Variants in SCD5 observed in about 807,000 individuals in gnomAD.
The protein encoded by SCD5 is stearoyl-CoA desaturase 5, also known as acyl-CoA-desaturase 4.
A neutral mutation model predicts 30.4 loss-of-function variants in SCD5; 20 were observed. That is an observed-to-expected ratio of 0.66 (90% CI 0.46 to 0.96). The LOEUF is 0.96. SCD5 is among the 40% of genes least tolerant of loss of function. SCD5 has a pLI of 0.00. For synonymous variants in SCD5, 173 were observed against 176.4 expected (o/e 0.98, Z 0.16); for missense variants, 381 against 443.3 (o/e 0.86, Z 1.26).
chr4:82,752,613 C>G (rs1256307902), intron 1 of SCD5, among the ~76,000 whole-genome samples: 2 of 152,110 alleles, frequency 1.3e-5, no homozygotes, highest in African/African-American at 2.4e-5. Flanking sequence ...CACCTTAAAT[C>G]CCAGCTGAAC....
chr4:82,674,724 C>A (rs1451363562), intron 3 of SCD5, among the ~76,000 whole-genome samples: 1 of 152,188 alleles, frequency 6.6e-6, no homozygotes, highest in East Asian at 1.9e-4. Context: ...ACCAAGATGT[C>A]CTCCACTGGG....
At chr4:82,747,453 T>C (rs991579624) in intron 1 of SCD5, among the ~76,000 whole-genome samples, 1 of 152,196 alleles carries the variant, frequency 6.6e-6, no homozygotes, top group Non-Finnish European at 1.5e-5. Flanking sequence ...ACAAGACCCA[T>C]TGGGTCTAAA....
At position 82,630,877 on chromosome 4, in the gene SCD5, G is replaced by A. The variant is rs1388077448; in HGVS notation, c.*450C>T. 1.3e-5 allele frequency: 2 copies of A among 152,762 alleles called. No individual in the cohort carries two copies. Among genetic ancestry groups the A allele is most frequent in the East Asian group, 3.9e-4 (2 of 5,160 alleles). 9.5% of individuals were successfully genotyped at this position (152,762 alleles called of 1,614,324 possible). On this transcript the variant is annotated 3_prime_UTR_variant, in exon 5 of 5. Coordinates refer to ENST00000319540, the MANE Select transcript of SCD5 (RefSeq NM_001037582.3). Reference sequence around the variant, plus strand: ...TAATCCCAGCTCTTTGGGAGGCCGAGGCGGGTGGATTGCCTGAGGTCAGGA... The same window carrying A: ...TAATCCCAGCTCTTTGGGAGGCCGAAGCGGGTGGATTGCCTGAGGTCAGGA...
intron 1 of SCD5, among the ~76,000 whole-genome samples, chr4:82,747,105 T>C (rs573847870): frequency 1.4e-3 from 192 of 140,234 alleles, no homozygotes; most frequent in African/African-American, 4.4e-3. Context: ...CTCCATCCCC[T>C]GCTTCTGGCT....
Position 82,679,234 on chromosome 4 carries a change from A to AAGAAAGAGAGAG in SCD5, c.569+1472_569+1473insCTCTCTCTTTCT, listed in dbSNP as rs1335159755. 4.6e-3 allele frequency among the ~76,000 whole-genome samples: 444 copies of AAGAAAGAGAGAG among 96,352 alleles called. 14 individuals are homozygous for AAGAAAGAGAGAG. The highest frequency in any genetic ancestry group is 9.8e-3 in the Middle Eastern group (2 of 204). The allele number at this position is 96,352 out of a possible 152,430, so 63.2% of individuals were successfully genotyped here. A position where few individuals can be genotyped will look rare whatever the true frequency, so the allele number is the denominator to read the frequency against. On this transcript the variant is annotated intron_variant, in intron 3 of 4. Coordinates refer to ENST00000319540, the MANE Select transcript of SCD5 (RefSeq NM_001037582.3). ...AAAAAAGAAAGAAAAGAAAGAAAGA[A>AAGAAAGAGAGAG]AGAAAGAAAGAAAGAAAGAAAGAAA... is the stretch of plus-strand genomic sequence containing the variant.
intron 1 of SCD5, among the ~76,000 whole-genome samples, chr4:82,782,433 C>A (rs78737094): frequency 0.037 from 5,562 of 152,142 alleles, 148 homozygotes; most frequent in African/African-American, 0.06. Flanking sequence ...CAGGGCTGGT[C>A]CTTCCTGGGA....
At chr4:82,679,250 A>AAGAAAGAG (rs1728509019) in intron 3 of SCD5, among the ~76,000 whole-genome samples, 1 of 39,344 alleles carries the variant, frequency 2.5e-5, no homozygotes, top group Non-Finnish European at 6.5e-5. Context: ...GAAAGAAAGA[A>AAGAAAGAG]AGAAAGAAAG....
At chr4:82,739,241 G>A in intron 1 of SCD5, among the ~76,000 whole-genome samples, 1 of 152,152 alleles carries the variant, frequency 6.6e-6, no homozygotes, top group Non-Finnish European at 1.5e-5. Context: ...AGTCATGCCA[G>A]GGGAAGGCAG....
chr4:82,715,762 C>T, intron 1 of SCD5, among the ~76,000 whole-genome samples: 1 of 151,670 alleles, frequency 6.6e-6, no homozygotes, highest in East Asian at 1.9e-4. Flanking sequence ...GTTAAGAACT[C>T]TTAGCTGTCA....
At chr4:82,741,851 GGC>G in intron 1 of SCD5, among the ~76,000 whole-genome samples, 1 of 146,420 alleles carries the variant, frequency 6.8e-6, no homozygotes, top group Non-Finnish European at 1.5e-5. Flanking sequence ...GGTCAGAGTG[GGC>G]GGGGGGGGGG....
intron 1 of SCD5, among the ~76,000 whole-genome samples, chr4:82,726,414 T>C (rs1349919585): frequency 3.8e-5 from 4 of 104,106 alleles, no homozygotes; most frequent in African/African-American, 1.4e-4. Flanking sequence ...CGAAACTCTG[T>C]CTCAAAAAAA....
At chr4:82,718,193 T>C (rs555212603) in intron 1 of SCD5, among the ~76,000 whole-genome samples, 1 of 151,602 alleles carries the variant, frequency 6.6e-6, no homozygotes, top group South Asian at 2.1e-4. Flanking sequence ...CAATGAAGCA[T>C]AAAGACCACA....
chr4:82,683,673 T>C (rs529952962), intron 2 of SCD5, among the ~76,000 whole-genome samples: 1 of 152,312 alleles, frequency 6.6e-6, no homozygotes, highest in South Asian at 2.1e-4. Context: ...GTAATCCCCA[T>C]GTGTTGAGGG....
chr4:82,788,125 G>A (rs977654046), intron 1 of SCD5, among the ~76,000 whole-genome samples: 1 of 152,154 alleles, frequency 6.6e-6, no homozygotes, highest in South Asian at 2.1e-4. Context: ...ACAGAAAGAA[G>A]GCACCATATA....
intron 1 of SCD5, among the ~76,000 whole-genome samples, chr4:82,796,554 C>G (rs1722225167): frequency 6.6e-6 from 1 of 152,086 alleles, no homozygotes; most frequent in African/African-American, 2.4e-5. Context: ...GGCTCCTGGT[C>G]CAGTGCCAGG....
chr4:82,742,349 C>T (rs536239557), intron 1 of SCD5, among the ~76,000 whole-genome samples: 11 of 152,280 alleles, frequency 7.2e-5, no homozygotes, highest in Admixed American at 3.3e-4. Flanking sequence ...GAAGAGAGAG[C>T]TGGTGTGAGG....
chr4:82,640,742 G>C (rs1374181723), intron 3 of SCD5, among the ~76,000 whole-genome samples: 3 of 152,128 alleles, frequency 2.0e-5, no homozygotes, highest in African/African-American at 7.2e-5. Flanking sequence ...CACTGAGATG[G>C]CTCCCCAGCT....
intron 1 of SCD5, among the ~76,000 whole-genome samples, chr4:82,762,955 G>A (rs1721410184): frequency 6.6e-6 from 1 of 152,134 alleles, no homozygotes. Flanking sequence ...GTGGAGCACA[G>A]CCCCATCGCC....
intron 3 of SCD5, among the ~76,000 whole-genome samples, chr4:82,678,879 C>T (rs1049970110): frequency 1.3e-5 from 2 of 152,044 alleles, no homozygotes; most frequent in South Asian, 2.1e-4. Context: ...TGAAAATCAA[C>T]GTCAATAAAT....
Sources: allele counts gnomAD v4.1 joint callset (sites outside exome capture counted in the v4.1 genomes callset), GRCh38; gene constraint gnomAD v4.1.1; transcripts MANE v1.5; gene names NCBI Gene and HGNC (gene_info 2026-07-23, HGNC 2026-07-21).